The following RIN3 variants were observed in gnomAD, a reference collection of about 807,000 sequenced individuals.
The protein encoded by RIN3 is Ras and Rab interactor 3.
A neutral mutation model predicts 76.3 loss-of-function variants in RIN3; 54 were observed. The ratio of observed to expected loss-of-function variants is 0.71; its 90% CI spans 0.57 to 0.89. The LOEUF (loss-of-function observed/expected upper bound fraction) is 0.89, where lower values mean the gene tolerates loss of function less well. RIN3 is among the 40% of genes least tolerant of loss of function. RIN3 has a pLI of 0.00. For missense variants in RIN3, 1,256 were observed against 1,322.1 expected (o/e 0.95, Z 0.78); for synonymous variants, 576 against 564.0 (o/e 1.02, Z -0.30).
chr14:92,547,058 AAATT>A (rs1897286013), intron 1 of RIN3, among the ~76,000 whole-genome samples: 17 of 78,746 alleles, frequency 2.2e-4, no homozygotes, highest in South Asian at 1.3e-3. Flanking sequence ...ATAATAAAAT[AAATT>A]ATATTTTATT....
intron 3 of RIN3, among the ~76,000 whole-genome samples, chr14:92,584,633 A>C (rs1411885460): frequency 2.0e-5 from 3 of 152,150 alleles, no homozygotes; most frequent in Non-Finnish European, 4.4e-5. Context: ...GGGGACCAGC[A>C]GAAGAGGCAT....
chr14:92,672,348 G>A (rs1033453560), intron 7 of RIN3, among the ~76,000 whole-genome samples: 2 of 152,202 alleles, frequency 1.3e-5, no homozygotes, highest in African/African-American at 2.4e-5. Context: ...GGAGGTGAAG[G>A]TTGCGGTGAG....
intron 4 of RIN3, among the ~76,000 whole-genome samples, chr14:92,624,537 C>T (rs745599092): frequency 2.6e-5 from 4 of 152,130 alleles, no homozygotes; most frequent in African/African-American, 7.2e-5. Flanking sequence ...GTGGTCCAAA[C>T]GACATATTCC....
At chr14:92,601,407 C>G (rs1250398106) in intron 3 of RIN3, among the ~76,000 whole-genome samples, 4 of 152,228 alleles carry the variant, frequency 2.6e-5, no homozygotes, top group Admixed American at 2.6e-4. Flanking sequence ...CTGAGCTTCT[C>G]TGGGTCTCAC....
intron 3 of RIN3, among the ~76,000 whole-genome samples, chr14:92,583,059 T>C (rs1246880628): frequency 6.6e-6 from 1 of 152,154 alleles, no homozygotes; most frequent in Non-Finnish European, 1.5e-5. Context: ...GGGATAATGA[T>C]GGTGCCGCCA....
rs186561280 is a variant in RIN3, at chr14:92,641,633, C to A, written c.532+304C>A. ...GAGAAGCCGAGCTTTACCCCAGGGC[C>A]CTTCTGAGTGGGAGCCAGAGAGCTG... On this transcript the variant is annotated intron_variant, in intron 5 of 9. Coordinates refer to ENST00000216487, the MANE Select transcript of RIN3 (RefSeq NM_024832.5). Among the ~76,000 whole-genome samples the A allele has an allele frequency of 3.7e-4, 57 of 152,320 alleles. No individual in the cohort carries two copies. In the East Asian group the frequency reaches 0.01, roughly 28 times the overall value.
chr14:92,546,688 T>A (rs1251211172), intron 1 of RIN3, among the ~76,000 whole-genome samples: 1 of 151,034 alleles, frequency 6.6e-6, no homozygotes, highest in Non-Finnish European at 1.5e-5. Context: ...ATAGTGGGCG[T>A]AACTGTTTTC....
intron 4 of RIN3, among the ~76,000 whole-genome samples, chr14:92,629,001 G>A (rs1886457772): frequency 6.6e-6 from 1 of 152,176 alleles, no homozygotes; most frequent in Non-Finnish European, 1.5e-5. Context: ...GAACCAGGCA[G>A]TGGCATTTAG....
chr14:92,682,501 G>C (rs970767154), intron 8 of RIN3, among the ~76,000 whole-genome samples: 20 of 152,344 alleles, frequency 1.3e-4, no homozygotes, highest in African/African-American at 4.8e-4. Flanking sequence ...TATGGGCCCA[G>C]CTCTTTCCAT....
intron 4 of RIN3, among the ~76,000 whole-genome samples, chr14:92,620,367 A>C (rs1886130224): frequency 6.6e-6 from 1 of 152,240 alleles, no homozygotes; most frequent in African/African-American, 2.4e-5. Context: ...GAGAGAGAGA[A>C]ATATGACTCA....
intron 3 of RIN3, among the ~76,000 whole-genome samples, chr14:92,609,812 G>C (rs1319100319): frequency 6.6e-6 from 1 of 151,490 alleles, no homozygotes; most frequent in African/African-American, 2.4e-5. Context: ...AAAAATCGCA[G>C]GAAAACAGAA....
chr14:92,678,302 C>T (rs918891645), intron 8 of RIN3, among the ~76,000 whole-genome samples: 2 of 151,476 alleles, frequency 1.3e-5, no homozygotes, highest in Non-Finnish European at 2.9e-5. Context: ...ACCTGCCCAT[C>T]CACATATTCA....
chr14:92,607,630 A>C (rs1885575081), intron 3 of RIN3, among the ~76,000 whole-genome samples: 1 of 152,216 alleles, frequency 6.6e-6, no homozygotes. Flanking sequence ...GGGAAACTAC[A>C]GATGGCCTTA....
chr14:92,563,229 C>T (rs940896823), intron 2 of RIN3, among the ~76,000 whole-genome samples: 1 of 152,080 alleles, frequency 6.6e-6, no homozygotes, highest in Non-Finnish European at 1.5e-5. Flanking sequence ...GGAGTAGTGG[C>T]AGGCGCCTGT....
intron 1 of RIN3, among the ~76,000 whole-genome samples, chr14:92,518,788 C>CGTGTGTGTGTGTGTGTGT (rs1896513720): frequency 3.0e-5 from 1 of 32,834 alleles, no homozygotes; most frequent in African/African-American, 1.6e-4. Flanking sequence ...ATAAGGGTGG[C>CGTGTGTGTGTGTGTGTGT]CTGTGTGTGT....
chr14:92,629,495 T>C (rs1310224356), intron 4 of RIN3, among the ~76,000 whole-genome samples: 1 of 152,192 alleles, frequency 6.6e-6, no homozygotes, highest in Non-Finnish European at 1.5e-5. Flanking sequence ...ACACCCTATG[T>C]AAATGAAGAG....
rs139800354 is a variant in RIN3 at position 92,684,241 on chromosome 14, G to A, written c.2468-746G>A. On this transcript the variant is annotated intron_variant, in intron 8 of 9. Transcript: ENST00000216487. ...CTGAAAATACAAAAATTAGCCAGGC[G>A]TGGTGGCATGCGCCTCTAATCCCAG... Among the ~76,000 whole-genome samples the A allele has an allele frequency of 6.1e-3, 930 of 152,198 alleles. 16 individuals carry two copies. The highest frequency in any genetic ancestry group is 9.4e-3 in the Non-Finnish European group (639 of 68,002).
chr14:92,622,649 G>A (rs772866656), intron 4 of RIN3, among the ~76,000 whole-genome samples: 8 of 152,178 alleles, frequency 5.3e-5, no homozygotes, highest in African/African-American at 1.2e-4. Context: ...GGGTCAGACC[G>A]CACAATCTAG....
intron 1 of RIN3, among the ~76,000 whole-genome samples, chr14:92,519,608 C>T (rs1017459855): frequency 1.3e-5 from 2 of 152,132 alleles, no homozygotes; most frequent in Non-Finnish European, 2.9e-5. Flanking sequence ...AGGGGCGGCC[C>T]TACCAACAGA....
Sources: allele counts gnomAD v4.1 joint callset (sites outside exome capture counted in the v4.1 genomes callset), GRCh38; gene constraint gnomAD v4.1.1; transcripts MANE v1.5; gene names NCBI Gene and HGNC (gene_info 2026-07-23, HGNC 2026-07-21).